Variants in SORCS2 observed in about 807,000 individuals in gnomAD.
SORCS2 encodes the protein sortilin related VPS10 domain containing receptor 2, also known as VPS10 domain-containing receptor SorCS2.
A neutral mutation model predicts 141.6 loss-of-function variants in SORCS2; 100 were observed. The observed-to-expected ratio is 0.71, with a 90% CI of 0.60 to 0.83. The LOEUF is 0.83. Ranked by LOEUF, SORCS2 falls within the 40% of genes least tolerant of loss-of-function variation. The pLI is 0.00. For synonymous variants in SORCS2, 789 were observed against 676.9 expected, an observed-to-expected ratio of 1.17 and a Z score of -2.57; for missense variants, 1,646 against 1,560.2, an observed-to-expected ratio of 1.05 and a Z score of -0.93.
chr4:7,623,225 A>T (rs1379324674), intron 3 of SORCS2, among the ~76,000 whole-genome samples: 1 of 152,032 alleles, frequency 6.6e-6, no homozygotes, highest in East Asian at 1.9e-4. Flanking sequence ...CACCTTTGAC[A>T]ATCAATGGTA....
intron 2 of SORCS2, among the ~76,000 whole-genome samples, chr4:7,417,778 G>A (rs761203778): frequency 2.6e-5 from 4 of 152,144 alleles, no homozygotes; most frequent in Non-Finnish European, 4.4e-5. Context: ...GAGCTGAGTC[G>A]CCCTTTTCAA....
At chr4:7,363,099 A>T (rs62637157) in intron 1 of SORCS2, among the ~76,000 whole-genome samples, 3 of 150,364 alleles carry the variant, frequency 2.0e-5, no homozygotes, top group Non-Finnish European at 4.4e-5. Flanking sequence ...CACCATCACC[A>T]CTACCATCAC....
At chr4:7,629,680 C>G (rs1008872028) in intron 3 of SORCS2, among the ~76,000 whole-genome samples, 1 of 152,050 alleles carries the variant, frequency 6.6e-6, no homozygotes, top group African/African-American at 2.4e-5. Flanking sequence ...GCACCCCCAG[C>G]CAGGAGTCTG....
intron 1 of SORCS2, among the ~76,000 whole-genome samples, chr4:7,282,771 C>T (rs1013073815): frequency 5.3e-5 from 8 of 152,120 alleles, no homozygotes; most frequent in African/African-American, 1.7e-4. Flanking sequence ...GCTCAGCCAG[C>T]GGCAGGTGGT....
chr4:7,683,423 G>C (rs879553865), intron 10 of SORCS2, among the ~76,000 whole-genome samples: 94,888 of 146,008 alleles, frequency 0.65, 33,592 homozygotes, highest in African/African-American at 0.69. Flanking sequence ...TGGCTCTGCT[G>C]ATCTTGTCTG....
chr4:7,605,171 G>T (rs78898635), intron 3 of SORCS2, among the ~76,000 whole-genome samples: 2,355 of 152,302 alleles, frequency 0.015, 54 homozygotes, highest in African/African-American at 0.053. Context: ...ACAAGGTCCA[G>T]AGTAGCTGCA....
intron 4 of SORCS2, among the ~76,000 whole-genome samples, chr4:7,650,924 C>A (rs2108892041): frequency 6.6e-6 from 1 of 152,148 alleles, no homozygotes; most frequent in South Asian, 2.1e-4. Flanking sequence ...GCAAAGGATC[C>A]CCTAAACACC....
At chr4:7,503,592 A>T (rs1732102478) in intron 2 of SORCS2, among the ~76,000 whole-genome samples, 1 of 152,200 alleles carries the variant, frequency 6.6e-6, no homozygotes, top group Non-Finnish European at 1.5e-5. Flanking sequence ...ACCTGCAGAA[A>T]CAGTAACAGC....
intron 3 of SORCS2, among the ~76,000 whole-genome samples, chr4:7,553,844 C>A (rs1392816116): frequency 2.6e-5 from 4 of 152,156 alleles, no homozygotes; most frequent in Non-Finnish European, 5.9e-5. Context: ...GACAGCTGGG[C>A]CCCTTTCCTG....
chr4:7,525,810 C>T (rs73082865), intron 2 of SORCS2, among the ~76,000 whole-genome samples: 6,681 of 111,930 alleles, frequency 0.06, 614 homozygotes, highest in African/African-American at 0.09. Flanking sequence ...ATACCTGTTC[C>T]CTGCAGTCAC....
At chr4:7,382,465 CGAGTT>C (rs1560236387) in intron 1 of SORCS2, among the ~76,000 whole-genome samples, 1 of 152,086 alleles carries the variant, frequency 6.6e-6, no homozygotes, top group Non-Finnish European at 1.5e-5. Flanking sequence ...ACCAGATCCC[CGAGTT>C]GAGTTTGAAG....
chr4:7,576,188 A>G (rs1221543556), intron 3 of SORCS2, among the ~76,000 whole-genome samples: 11 of 152,216 alleles, frequency 7.2e-5, no homozygotes, highest in African/African-American at 2.2e-4. Flanking sequence ...GACCAAAGCC[A>G]TGTGCTCAGC....
At chr4:7,487,677 G>A (rs1311643889) in intron 2 of SORCS2, among the ~76,000 whole-genome samples, 1 of 152,150 alleles carries the variant, frequency 6.6e-6, no homozygotes, top group Non-Finnish European at 1.5e-5. Flanking sequence ...TGATAGACGG[G>A]GCCTCTTCTG....
At chr4:7,466,755 C>A (rs1484988285) in intron 2 of SORCS2, among the ~76,000 whole-genome samples, 1 of 152,164 alleles carries the variant, frequency 6.6e-6, no homozygotes, top group Admixed American at 6.5e-5. Context: ...AGGCAGACTC[C>A]CAGCTTTCTG....
At position 7,736,974 on chromosome 4, in the gene SORCS2, A is replaced by G. The variant is rs193177276; in HGVS notation, c.3312-95A>G. 3.6e-3 allele frequency: 5,311 copies of G among 1,485,634 alleles called. 41 individuals are homozygous for G. Among genetic ancestry groups the G allele is most frequent in the Middle Eastern group, 0.022 (116 of 5,214 alleles). 92.0% of individuals were successfully genotyped at this position (1,485,634 alleles called of 1,614,324 possible). ...TGGAGTGCTGTGGGCACCGTGCACC[A>G]CACTCGGTGTGGTCAGGCGGCCAGC... On this transcript the variant is annotated intron_variant, in intron 25 of 26. Coordinates refer to ENST00000507866, the MANE Select transcript of SORCS2 (RefSeq NM_020777.3).
chr4:7,561,767 C>A (rs1393711871), intron 3 of SORCS2, among the ~76,000 whole-genome samples: 1 of 152,064 alleles, frequency 6.6e-6, no homozygotes, highest in East Asian at 1.9e-4. Context: ...CTCCCTCAAT[C>A]CATCTGTCCA....
At chr4:7,545,505 G>A (rs1048848086) in intron 3 of SORCS2, among the ~76,000 whole-genome samples, 10 of 152,182 alleles carry the variant, frequency 6.6e-5, no homozygotes, top group South Asian at 2.1e-4. Context: ...GCCCATGGGC[G>A]TAAGCAGCAT....
intron 3 of SORCS2, among the ~76,000 whole-genome samples, chr4:7,594,440 A>C (rs1287333546): frequency 6.6e-6 from 1 of 152,214 alleles, no homozygotes; most frequent in Non-Finnish European, 1.5e-5. Context: ...AGGAAGGGTA[A>C]GCTTCTTGCT....
intron 3 of SORCS2, among the ~76,000 whole-genome samples, chr4:7,577,949 G>A (rs1203926211): frequency 6.6e-6 from 1 of 151,874 alleles, no homozygotes; most frequent in African/African-American, 2.4e-5. Context: ...AAGTCATATA[G>A]CATACTGGCG....
Sources: allele counts gnomAD v4.1 joint callset (sites outside exome capture counted in the v4.1 genomes callset), GRCh38; gene constraint gnomAD v4.1.1; transcripts MANE v1.5; gene names NCBI Gene and HGNC (gene_info 2026-07-23, HGNC 2026-07-21).